CERT1: variants seen among roughly 807,000 people sequenced by gnomAD.
The protein encoded by CERT1 is ceramide transfer protein.
Under a neutral mutation model 87.9 loss-of-function variants are expected in CERT1, and 31 were observed. The ratio of observed to expected loss-of-function variants is 0.35; its 90% CI spans 0.27 to 0.48. The LOEUF (loss-of-function observed/expected upper bound fraction) is 0.48. Ranked by LOEUF, CERT1 falls within the 20% of genes least tolerant of loss-of-function variation. CERT1 has a pLI of 0.99. For missense variants in CERT1, 487 were observed against 758.0 expected, an observed-to-expected ratio of 0.64 and a Z score of 4.20; for synonymous variants, 289 against 250.9, an observed-to-expected ratio of 1.15 and a Z score of -1.44.
intron 3 of CERT1, among the ~76,000 whole-genome samples, chr5:75,439,202 T>C (rs984167366): frequency 2.0e-5 from 3 of 151,588 alleles, no homozygotes; most frequent in African/African-American, 4.8e-5. Flanking sequence ...AAAAACTGAA[T>C]TGAACAAAAA....
chr5:75,449,219 T>C (rs1422970672), intron 3 of CERT1, among the ~76,000 whole-genome samples: 1 of 151,532 alleles, frequency 6.6e-6, no homozygotes, highest in Non-Finnish European at 1.5e-5. Context: ...GACAGAAAAA[T>C]GACAAACCAA....
At position 75,426,401 on chromosome 5, in the gene CERT1, G is replaced by A; in HGVS notation, c.426C>T (p.Gly142=). Residue 142 remains glycine (G), a synonymous_variant, in exon 4 of 17, where the codon GGC becomes GGT. Coordinates refer to ENST00000643780, the MANE Select transcript of CERT1 (RefSeq NM_001379029.1). ...SMVSLVSGAS[G]YSATSTSSFK... ...ATGAAGAGGTGGATGTTGCAGAGTA[G>A]CCACTTGCTCCAGACACCAGGGACA... 2 of 1,613,466 alleles carry A rather than the reference G, an allele frequency of 1.2e-6. 1 individual carries two copies. Among genetic ancestry groups the A allele is most frequent in the South Asian group, 2.2e-5 (2 of 91,048 alleles).
downstream of CERT1, chr5:75,377,464 C>T (rs1761367422): frequency 6.6e-6 from 1 of 152,162 alleles, no homozygotes; most frequent in Admixed American, 6.5e-5. Context: ...AAATTGGAAA[C>T]TGTAATATTC....
chr5:75,503,451 A>G (rs1198308448), intron 2 of CERT1, among the ~76,000 whole-genome samples: 1 of 152,006 alleles, frequency 6.6e-6, no homozygotes. Context: ...TTATTTAACT[A>G]AAGTACATAC....
chr5:75,511,213 C>G lies in CERT1; in HGVS notation c.-6G>C, dbSNP rs1767969292. 2.5e-6 allele frequency: 4 copies of G among 1,612,732 alleles called. No individual in the cohort carries two copies. The highest frequency in any genetic ancestry group is 2.5e-6 in the Non-Finnish European group (3 of 1,179,750). ...CAGCTCTGATTATCCGACATGGAGGCTCGACAACCGAGCAGGAGACCGGCC... is the reference window on the plus strand; with the variant it reads ...CAGCTCTGATTATCCGACATGGAGGGTCGACAACCGAGCAGGAGACCGGCC... On this transcript the variant is annotated 5_prime_UTR_variant, in exon 1 of 17. Transcript: ENST00000643780.
rs1157293973 is a variant in CERT1 at position 75,511,349 on chromosome 5, C to A, written c.-142G>T. 3.2e-6 allele frequency: 5 copies of A among 1,542,236 alleles called. No individual in the cohort carries two copies. In the African/African-American group the frequency reaches 6.9e-5, roughly 21 times the overall value. On this transcript the variant is annotated 5_prime_UTR_variant, in exon 1 of 17. Coordinates refer to ENST00000643780, the MANE Select transcript of CERT1 (RefSeq NM_001379029.1). ...GTGTGGGGGGGAGCAGGAGGAGGGA[C>A]GAAGTCCGCCCGCCGCGCCGCCGCC...
intron 3 of CERT1, among the ~76,000 whole-genome samples, chr5:75,455,516 T>A (rs1313491547): frequency 6.6e-6 from 1 of 152,192 alleles, no homozygotes; most frequent in Non-Finnish European, 1.5e-5. Flanking sequence ...TGGTCCAAAA[T>A]CACAGTTACT....
At chr5:75,462,516 C>T (rs565762511) in intron 2 of CERT1, among the ~76,000 whole-genome samples, 158 of 152,192 alleles carry the variant, frequency 1.0e-3, no homozygotes, top group African/African-American at 3.3e-3. Flanking sequence ...TCCTGGTGTG[C>T]GGCCTGGTTC....
intron 17 of CERT1, chr5:75,370,282 T>A (rs1266348655): frequency 1.3e-5 from 2 of 152,214 alleles, no homozygotes; most frequent in Non-Finnish European, 2.9e-5. Context: ...ATGAATCCAC[T>A]GACTGAGTGA....
chr5:75,370,172 C>T (rs2150365989), intron 17 of CERT1: 1 of 152,324 alleles, frequency 6.6e-6, no homozygotes, highest in East Asian at 1.9e-4. Context: ...CCTCCAGCAT[C>T]CCACCAGATT....
At chr5:75,387,362 G>C (rs1761833522) in intron 12 of CERT1, among the ~76,000 whole-genome samples, 2 of 152,108 alleles carry the variant, frequency 1.3e-5, no homozygotes, top group South Asian at 4.1e-4. Flanking sequence ...ACTGTTCTAG[G>C]TAGGCTTTCA....
downstream of CERT1, chr5:75,377,119 T>C (rs1580685200): frequency 1.3e-5 from 2 of 152,206 alleles, no homozygotes; most frequent in Admixed American, 1.3e-4. Flanking sequence ...AATAGTACTA[T>C]ACAAAAGATT....
chr5:75,493,299 A>G (rs1766886504), intron 2 of CERT1, among the ~76,000 whole-genome samples: 2 of 152,212 alleles, frequency 1.3e-5, no homozygotes, highest in African/African-American at 4.8e-5. Context: ...ATTCTGAAGC[A>G]AATTCTAAAC....
At chr5:75,426,143 T>A (rs1458887624) in intron 4 of CERT1, among the ~76,000 whole-genome samples, 1 of 152,164 alleles carries the variant, frequency 6.6e-6, no homozygotes, top group African/African-American at 2.4e-5. Flanking sequence ...TTTGAACCAG[T>A]TTTTTTATAT....
chr5:75,380,114 T>C (rs1761501795), intron 16 of CERT1, among the ~76,000 whole-genome samples: 1 of 152,170 alleles, frequency 6.6e-6, no homozygotes, highest in African/African-American at 2.4e-5. Context: ...TCTTTGAACA[T>C]ACTAGCAGTT....
At chr5:75,441,738 A>G (rs1764333082) in intron 3 of CERT1, among the ~76,000 whole-genome samples, 1 of 152,126 alleles carries the variant, frequency 6.6e-6, no homozygotes, top group Non-Finnish European at 1.5e-5. Flanking sequence ...ATGTGGCAGA[A>G]TTTCCTTCTT....
intron 3 of CERT1, among the ~76,000 whole-genome samples, chr5:75,457,074 A>G (rs910481989): frequency 9.9e-5 from 15 of 152,246 alleles, no homozygotes; most frequent in Admixed American, 7.2e-4. Context: ...ACTTAATAAC[A>G]TCTTTAATCA....
At chr5:75,451,215 A>G (rs547948276) in intron 3 of CERT1, among the ~76,000 whole-genome samples, 2 of 152,164 alleles carry the variant, frequency 1.3e-5, no homozygotes, top group Non-Finnish European at 2.9e-5. Context: ...GGATTACCGC[A>G]TGCAATTTGG....
At chr5:75,462,370 A>C (rs942899428) in intron 2 of CERT1, among the ~76,000 whole-genome samples, 1 of 152,234 alleles carries the variant, frequency 6.6e-6, no homozygotes, top group Non-Finnish European at 1.5e-5. Context: ...TTAGATTCTC[A>C]TAAGGAGCGT....
Sources: allele counts gnomAD v4.1 joint callset (sites outside exome capture counted in the v4.1 genomes callset), GRCh38; gene constraint gnomAD v4.1.1; transcripts MANE v1.5; gene names NCBI Gene and HGNC (gene_info 2026-07-23, HGNC 2026-07-21).